The following AUTS2 variants were observed in gnomAD, a reference collection of about 807,000 sequenced individuals.
AUTS2 encodes activator of transcription and developmental regulator AUTS2.
Under a neutral mutation model 112.4 loss-of-function variants are expected in AUTS2, and 17 were observed. The ratio of observed to expected loss-of-function variants is 0.15; its 90% CI spans 0.10 to 0.23. The LOEUF (loss-of-function observed/expected upper bound fraction) is 0.23. Ranked by LOEUF, AUTS2 falls within the 10% of genes least tolerant of loss-of-function variation. The pLI is 1.00. For missense variants in AUTS2, 1,510 were observed against 1,701.6 expected, an observed-to-expected ratio of 0.89 and a Z score of 1.98; for synonymous variants, 751 against 702.7, an observed-to-expected ratio of 1.07 and a Z score of -1.09.
At chr7:70,748,337 A>G (rs1226056594) in intron 6 of AUTS2, among the ~76,000 whole-genome samples, 1 of 152,204 alleles carries the variant, frequency 6.6e-6, no homozygotes, top group Non-Finnish European at 1.5e-5. Context: ...TTTATAGAAA[A>G]TCAATGTAAA....
intron 2 of AUTS2, among the ~76,000 whole-genome samples, chr7:70,077,181 G>A (rs1253178523): frequency 2.6e-5 from 4 of 152,104 alleles, no homozygotes; most frequent in South Asian, 2.1e-4. Context: ...TTAAGTCACT[G>A]GCAATATTGT....
chr7:70,418,561 G>A (rs1157346124), intron 4 of AUTS2, among the ~76,000 whole-genome samples: 1 of 152,154 alleles, frequency 6.6e-6, no homozygotes, highest in East Asian at 1.9e-4. Flanking sequence ...GCACCACAGA[G>A]ATGCTTCACC....
intron 5 of AUTS2, among the ~76,000 whole-genome samples, chr7:70,536,410 C>A (rs1016702785): frequency 3.3e-5 from 5 of 151,864 alleles, no homozygotes; most frequent in Non-Finnish European, 7.4e-5. Flanking sequence ...TATGGGAGCC[C>A]AAGTAGCCCA....
At chr7:69,730,669 C>G (rs1324166190) in intron 1 of AUTS2, among the ~76,000 whole-genome samples, 1 of 152,220 alleles carries the variant, frequency 6.6e-6, no homozygotes, top group East Asian at 1.9e-4. Context: ...TAAGCCTTCT[C>G]TTAAGCACTG....
chr7:70,089,975 C>G (rs1303528855), intron 2 of AUTS2, among the ~76,000 whole-genome samples: 1 of 146,818 alleles, frequency 6.8e-6, no homozygotes, highest in African/African-American at 2.5e-5. Context: ...CCATTGCACT[C>G]CAAGCTGGGA....
intron 1 of AUTS2, among the ~76,000 whole-genome samples, chr7:69,684,925 G>A (rs939652677): frequency 2.0e-5 from 3 of 152,162 alleles, no homozygotes; most frequent in African/African-American, 7.2e-5. Context: ...CGTCTTTCCT[G>A]GCAGTTAAAA....
chr7:70,604,440 ACAGAGAGTTGCAC>A (rs1803628937), intron 5 of AUTS2, among the ~76,000 whole-genome samples: 1 of 152,246 alleles, frequency 6.6e-6, no homozygotes, highest in Non-Finnish European at 1.5e-5. Flanking sequence ...AGCAACCATC[ACAGAGAGTTGCAC>A]CAGCCAGATT....
At chr7:70,059,662 A>G (rs2129560526) in intron 2 of AUTS2, among the ~76,000 whole-genome samples, 1 of 152,182 alleles carries the variant, frequency 6.6e-6, no homozygotes, top group East Asian at 1.9e-4. Flanking sequence ...GGTACATCGT[A>G]CTGTGGCTGG....
intron 2 of AUTS2, among the ~76,000 whole-genome samples, chr7:70,041,766 G>A (rs1330904931): frequency 6.6e-6 from 1 of 152,108 alleles, no homozygotes; most frequent in Non-Finnish European, 1.5e-5. Flanking sequence ...TTGGGGAATG[G>A]ATAATTATTT....
At chr7:70,222,001 A>T (rs1313969016) in intron 4 of AUTS2, among the ~76,000 whole-genome samples, 1 of 152,252 alleles carries the variant, frequency 6.6e-6, no homozygotes, top group East Asian at 1.9e-4. Flanking sequence ...TTATTTTGCC[A>T]GAGAAAAGTA....
At chr7:69,866,728 G>A (rs904068654) in intron 1 of AUTS2, among the ~76,000 whole-genome samples, 4 of 152,170 alleles carry the variant, frequency 2.6e-5, no homozygotes, top group African/African-American at 9.7e-5. Flanking sequence ...TGGTTAGAAA[G>A]GTAAGAGCCT....
At chr7:70,051,984 T>G (rs1801775475) in intron 2 of AUTS2, among the ~76,000 whole-genome samples, 1 of 152,188 alleles carries the variant, frequency 6.6e-6, no homozygotes, top group Admixed American at 6.5e-5. Flanking sequence ...AAAGCTTTCC[T>G]GGATGGAATT....
Position 70,480,195 on chromosome 7 carries a change from A to G in AUTS2, c.690+44414A>G, listed in dbSNP as rs1422417524. On this transcript the variant is annotated intron_variant, in intron 5 of 18. Transcript: ENST00000342771. ...TATCAAGGGAAAAAACTAGACGGATATGTCCAGTGTATGTGTACGTGTGTG... is the reference window on the plus strand; with the variant it reads ...TATCAAGGGAAAAAACTAGACGGATGTGTCCAGTGTATGTGTACGTGTGTG... 5.9e-5 allele frequency among the ~76,000 whole-genome samples: 9 copies of G among 152,254 alleles called. No individual in the cohort carries two copies. The East Asian group carries it at 1.5e-3, about 26-fold the overall frequency.
At chr7:70,558,251 G>C (rs1036194989) in intron 5 of AUTS2, among the ~76,000 whole-genome samples, 6 of 152,136 alleles carry the variant, frequency 3.9e-5, no homozygotes, top group African/African-American at 1.4e-4. Flanking sequence ...CCCCTGAACA[G>C]ATACTCTGCG....
intron 4 of AUTS2, among the ~76,000 whole-genome samples, chr7:70,263,726 G>A (rs1433267994): frequency 2.6e-5 from 4 of 152,114 alleles, no homozygotes; most frequent in Non-Finnish European, 5.9e-5. Context: ...AATCCCCCAA[G>A]GTTAAAAATG....
intron 4 of AUTS2, among the ~76,000 whole-genome samples, chr7:70,335,323 C>T (rs1175744564): frequency 1.3e-5 from 2 of 152,134 alleles, no homozygotes; most frequent in Non-Finnish European, 1.5e-5. Context: ...TCTCTCCTGC[C>T]CAATTCTTAG....
At chr7:70,431,119 G>C (rs1795648238) in intron 4 of AUTS2, among the ~76,000 whole-genome samples, 1 of 152,058 alleles carries the variant, frequency 6.6e-6, no homozygotes, top group African/African-American at 2.4e-5. Flanking sequence ...TTACAGGCGT[G>C]AGCCACCGCG....
intron 4 of AUTS2, among the ~76,000 whole-genome samples, chr7:70,327,496 A>G (rs191774280): frequency 2.7e-4 from 41 of 152,340 alleles, no homozygotes; most frequent in Admixed American, 2.2e-3. Flanking sequence ...ATTTGCCTTG[A>G]GAATAGTACT....
intron 2 of AUTS2, among the ~76,000 whole-genome samples, chr7:69,937,222 A>G (rs1243681303): frequency 6.6e-6 from 1 of 152,184 alleles, no homozygotes; most frequent in Non-Finnish European, 1.5e-5. Context: ...CACAGAATTG[A>G]GGAGGGAGAT....
Sources: allele counts gnomAD v4.1 joint callset (sites outside exome capture counted in the v4.1 genomes callset), GRCh38; gene constraint gnomAD v4.1.1; transcripts MANE v1.5; gene names NCBI Gene and HGNC (gene_info 2026-07-23, HGNC 2026-07-21).